The following BMPER variants were observed in gnomAD, a reference collection of about 807,000 sequenced individuals.
BMPER encodes the protein BMP-binding endothelial regulator protein.
In BMPER, 45 loss-of-function variants were observed where a neutral mutation model predicts 87.3. The ratio of observed to expected loss-of-function variants is 0.52; its 90% CI spans 0.41 to 0.66. The LOEUF is 0.66. Among genes scored for constraint, BMPER ranks in the 30% least tolerant of loss-of-function variants. The probability of loss-of-function intolerance (pLI) is 0.00; values close to 1 mark genes in which losing one functional copy is unlikely to be tolerated. For missense variants in BMPER, 784 were observed against 867.5 expected (o/e 0.90, Z 1.21); for synonymous variants, 326 against 316.2 (o/e 1.03, Z -0.33).
intron 14 of BMPER, among the ~76,000 whole-genome samples, chr7:34,151,729 T>A (rs1791181187): frequency 6.6e-6 from 1 of 152,186 alleles, no homozygotes; most frequent in Non-Finnish European, 1.5e-5. Context: ...AGTTAACAGT[T>A]GAGGCAGGGA....
chr7:34,048,658 G>A (rs1488316231), intron 7 of BMPER, among the ~76,000 whole-genome samples: 1 of 152,212 alleles, frequency 6.6e-6, no homozygotes, highest in Non-Finnish European at 1.5e-5. Context: ...GATACGCTGA[G>A]TCAACTCAGA....
At chr7:34,146,040 T>TAC (rs1052487463) in intron 14 of BMPER, among the ~76,000 whole-genome samples, 4 of 151,670 alleles carry the variant, frequency 2.6e-5, no homozygotes, top group Admixed American at 1.3e-4. Context: ...CTCTCACATA[T>TAC]ACACACACAC....
chr7:33,940,902 ATATT>A (rs1226297971), intron 3 of BMPER, among the ~76,000 whole-genome samples: 1 of 136,144 alleles, frequency 7.3e-6, no homozygotes, highest in African/African-American at 2.9e-5. Flanking sequence ...GAATTTATAT[ATATT>A]ACATATTGTA....
intron 7 of BMPER, among the ~76,000 whole-genome samples, chr7:34,049,972 A>G (rs920169382): frequency 6.6e-6 from 1 of 152,222 alleles, no homozygotes; most frequent in Non-Finnish European, 1.5e-5. Context: ...AGTGATTATA[A>G]TGGGATGGGC....
intron 13 of BMPER, among the ~76,000 whole-genome samples, chr7:34,096,111 C>T (rs1355781272): frequency 1.3e-5 from 2 of 152,138 alleles, no homozygotes; most frequent in Non-Finnish European, 2.9e-5. Flanking sequence ...TATCAGGTCG[C>T]CCTTTGAAAA....
intron 3 of BMPER, among the ~76,000 whole-genome samples, chr7:33,950,455 G>T (rs974760236): frequency 6.6e-6 from 1 of 152,176 alleles, no homozygotes; most frequent in Non-Finnish European, 1.5e-5. Flanking sequence ...TCTGGGCACA[G>T]CTTAGCTGGG....
intron 14 of BMPER, among the ~76,000 whole-genome samples, chr7:34,152,782 A>G (rs915739637): frequency 3.3e-5 from 5 of 152,156 alleles, no homozygotes; most frequent in Non-Finnish European, 4.4e-5. Context: ...TATACTATTT[A>G]GTTATTTGTA....
intron 13 of BMPER, among the ~76,000 whole-genome samples, chr7:34,125,500 T>C (rs1790378170): frequency 6.6e-6 from 1 of 152,250 alleles, no homozygotes. Flanking sequence ...TTTTAAGTCT[T>C]TGAAAGTGGA....
In BMPER at chr7:34,032,612, T is replaced by C. The variant is rs139763438; in HGVS notation, c.577-13694T>C. ...TACTATTGGGCTACATGGGTAACTG[T>C]GTACCCTTTGGAGTTCGGAATGTTT... On this transcript the variant is annotated intron_variant, in intron 6 of 14. Coordinates refer to ENST00000649409, the MANE Select transcript of BMPER (RefSeq NM_001365308.1). Among the ~76,000 whole-genome samples, 1,352 of 152,318 alleles carry C rather than the reference T, an allele frequency of 8.9e-3. 20 individuals are homozygous for C. The highest frequency in any genetic ancestry group is 0.031 in the African/African-American group (1,280 of 41,576).
chr7:34,027,055 AC>A (rs1787376506), intron 6 of BMPER, among the ~76,000 whole-genome samples: 1 of 151,966 alleles, frequency 6.6e-6, no homozygotes, highest in African/African-American at 2.4e-5. Flanking sequence ...CATTTGCATG[AC>A]CCAAATGTGC....
chr7:34,057,108 A>G (rs971260295), intron 9 of BMPER, among the ~76,000 whole-genome samples: 8 of 152,146 alleles, frequency 5.3e-5, no homozygotes, highest in Non-Finnish European at 8.8e-5. Context: ...AATAGCTTCA[A>G]AAAGTCAGGA....
At chr7:34,093,815 A>G (rs1049269899) in intron 13 of BMPER, among the ~76,000 whole-genome samples, 2 of 152,138 alleles carry the variant, frequency 1.3e-5, no homozygotes, top group Admixed American at 1.3e-4. Context: ...ATTTTGTAGC[A>G]TCTCTTTTGG....
At chr7:33,905,867 C>T (rs906437620) in intron 1 of BMPER, 121 bp downstream of exon 1, 99 of 1,351,028 alleles carry the variant, frequency 7.3e-5, no homozygotes, top group Non-Finnish European at 9.4e-5. Flanking sequence ...GCTTGCCCTG[C>T]GCTGGTCGAT....
chr7:34,147,749 C>T (rs1003627692), intron 14 of BMPER, among the ~76,000 whole-genome samples: 4 of 152,186 alleles, frequency 2.6e-5, no homozygotes, highest in African/African-American at 7.2e-5. Context: ...GGATTATAGA[C>T]GTTAGCCACT....
rs186292067 is a variant in BMPER, at chr7:33,994,680, C to T, written c.576+19896C>T. 1.9e-3 allele frequency among the ~76,000 whole-genome samples: 296 copies of T among 152,230 alleles called. 1 individual carries two copies. Among genetic ancestry groups the T allele is most frequent in the African/African-American group, 6.1e-3 (254 of 41,550 alleles). On this transcript the variant is annotated intron_variant, in intron 6 of 14. Transcript: ENST00000649409. Reference sequence around the variant, plus strand: ...GTTTTGCCTTTGCTGTTAGATTATTCTGATTGACTTTAGGGCGTGATGATG... The same window carrying T: ...GTTTTGCCTTTGCTGTTAGATTATTTTGATTGACTTTAGGGCGTGATGATG...
chr7:33,943,864 T>C (rs1271260506), intron 3 of BMPER, among the ~76,000 whole-genome samples: 1 of 152,172 alleles, frequency 6.6e-6, no homozygotes, highest in Admixed American at 6.5e-5. Flanking sequence ...TTACCAGGGA[T>C]ATGTTCCTCC....
chr7:33,985,345 A>G (rs2127920444), intron 6 of BMPER, among the ~76,000 whole-genome samples: 1 of 152,306 alleles, frequency 6.6e-6, no homozygotes, highest in African/African-American at 2.4e-5. Flanking sequence ...TTTCATGAAA[A>G]AGTTGAGAAT....
intron 13 of BMPER, among the ~76,000 whole-genome samples, chr7:34,093,483 C>T (rs1789446233): frequency 6.6e-6 from 1 of 152,168 alleles, no homozygotes; most frequent in African/African-American, 2.4e-5. Flanking sequence ...GTCTAGTGAC[C>T]AAATGCCTCA....
intron 13 of BMPER, among the ~76,000 whole-genome samples, chr7:34,086,580 A>G (rs891869252): frequency 6.6e-6 from 1 of 152,230 alleles, no homozygotes; most frequent in African/African-American, 2.4e-5. Flanking sequence ...GCACATGGAA[A>G]ATAAGGAAGC....
Sources: gnomAD v4.1 joint callset for allele counts (sites outside exome capture counted in the v4.1 genomes callset) on GRCh38, gnomAD v4.1.1 for gene constraint, MANE v1.5 for transcripts, NCBI Gene and HGNC (gene_info 2026-07-23, HGNC 2026-07-21) for gene names.